Variants in NPFFR2 observed in about 807,000 individuals in gnomAD.
NPFFR2 encodes the protein G-protein coupled receptor 74.
NPFFR2 carries 15 observed loss-of-function variants against 13.1 expected under a neutral mutation model. That is an observed-to-expected ratio of 1.15 (90% CI 0.77 to 1.76). NPFFR2 has a LOEUF of 1.76. Ranked by LOEUF, NPFFR2 falls within the 40% of genes most tolerant of loss-of-function variation. The pLI, the probability that NPFFR2 is intolerant of heterozygous loss-of-function variation, is 0.00. For synonymous variants in NPFFR2, 190 were observed against 175.7 expected, an observed-to-expected ratio of 1.08 and a Z score of -0.65; for missense variants, 572 against 503.5, an observed-to-expected ratio of 1.14 and a Z score of -1.30.
chr4:72,110,368 C>T (rs1350929945), intron 1 of NPFFR2, among the ~76,000 whole-genome samples: 1 of 151,994 alleles, frequency 6.6e-6, no homozygotes, highest in African/African-American at 2.4e-5. Flanking sequence ...ATAAATTACC[C>T]AGTCTCAAAT....
At chr4:72,104,369 G>A (rs532700120) in intron 1 of NPFFR2, among the ~76,000 whole-genome samples, 48 of 152,108 alleles carry the variant, frequency 3.2e-4, no homozygotes, top group African/African-American at 1.1e-3. Context: ...TCAATTTCTT[G>A]AAGCTGCCAG....
chr4:72,083,790 C>T (rs1442095663), intron 1 of NPFFR2, among the ~76,000 whole-genome samples: 1 of 152,094 alleles, frequency 6.6e-6, no homozygotes, highest in African/African-American at 2.4e-5. Flanking sequence ...GCTCATAAAA[C>T]CAAGCACTTT....
intron 2 of NPFFR2, 55 bp from the exon 3 acceptor site, chr4:72,137,985 T>C: frequency 7.4e-7 from 1 of 1,346,988 alleles, no homozygotes; most frequent in Non-Finnish European, 1.1e-6. Context: ...ATTTTCATTT[T>C]CAGTGAGATT....
intron 1 of NPFFR2, chr4:72,068,858 T>C: frequency 3.4e-6 from 1 of 291,354 alleles, no homozygotes; most frequent in Non-Finnish European, 5.9e-6. Context: ...TTTTTTATCT[T>C]ATCTTTTTTC....
intron 3 of NPFFR2, among the ~76,000 whole-genome samples, chr4:72,140,541 G>T (rs1026510793): frequency 6.6e-6 from 1 of 152,202 alleles, no homozygotes; most frequent in Non-Finnish European, 1.5e-5. Flanking sequence ...CATTGGTTCT[G>T]TTCATGTGAT....
In NPFFR2 at chr4:72,115,890, G is replaced by A. The variant is rs559342686; in HGVS notation, c.-7-12695G>A. Among the ~76,000 whole-genome samples the A allele has an allele frequency of 3.3e-5, 5 of 152,068 alleles. No homozygotes were observed. In the East Asian group the frequency reaches 9.6e-4, roughly 29 times the overall value. ...TTGCATTAAAGTGGTTCTCACTTTC[G>A]AACAAGTCATTAAAATTGATCATTC... On this transcript the variant is annotated intron_variant, in intron 1 of 3. Transcript: ENST00000308744.
chr4:72,139,639 C>T (rs141690225), intron 3 of NPFFR2, among the ~76,000 whole-genome samples: 5,212 of 152,132 alleles, frequency 0.034, 293 homozygotes, highest in African/African-American at 0.12. Flanking sequence ...ATACCACTAC[C>T]ATGCTGTTTT....
At chr4:72,080,275 C>G (rs1490747223) in intron 1 of NPFFR2, among the ~76,000 whole-genome samples, 1 of 152,034 alleles carries the variant, frequency 6.6e-6, no homozygotes, top group African/African-American at 2.4e-5. Context: ...AGAAATTCTC[C>G]TGCCTCAGTC....
chr4:72,078,347 AAG>A (rs1451724136), intron 1 of NPFFR2, among the ~76,000 whole-genome samples: 2 of 152,118 alleles, frequency 1.3e-5, no homozygotes, highest in Non-Finnish European at 1.5e-5. Context: ...GGGTTGAAGA[AAG>A]AGAGTGACAT....
In NPFFR2 at chr4:72,132,477, A is replaced by G. The variant is rs111461797; in HGVS notation, c.328+3558A>G. On this transcript the variant is annotated intron_variant, in intron 2 of 3. Transcript: ENST00000308744. The stretch of plus-strand genomic sequence containing the variant: ...TGAACATACACATACATGTGTCTTT[A>G]TAATAGAACAATTTATATTCCTCTG... Among the ~76,000 whole-genome samples, 779 of 152,298 alleles carry G rather than the reference A, an allele frequency of 5.1e-3. 2 individuals carry two copies. The highest frequency in any genetic ancestry group is 0.018 in the African/African-American group (742 of 41,552).
intron 1 of NPFFR2, among the ~76,000 whole-genome samples, chr4:72,110,703 A>G (rs189406267): frequency 5.8e-4 from 88 of 152,136 alleles, no homozygotes; most frequent in Non-Finnish European, 1.1e-3. Flanking sequence ...TTCTCAAAAA[A>G]TAAGAGGTCT....
At chr4:72,054,114 C>CAGCATGCTTTTTTTGA (rs1426132566) in intron 1 of NPFFR2, among the ~76,000 whole-genome samples, 1 of 151,864 alleles carries the variant, frequency 6.6e-6, no homozygotes, top group Non-Finnish European at 1.5e-5. Context: ...AACAAAATCT[C>CAGCATGCTTTTTTTGA]AGCATGCTTT....
chr4:72,124,134 C>A (rs1721969650), intron 1 of NPFFR2, among the ~76,000 whole-genome samples: 1 of 151,936 alleles, frequency 6.6e-6, no homozygotes, highest in African/African-American at 2.4e-5. Context: ...AAAAATAGAG[C>A]CAAATCATGA....
chr4:72,109,201 C>T (rs559478958), intron 1 of NPFFR2, among the ~76,000 whole-genome samples: 34 of 152,118 alleles, frequency 2.2e-4, no homozygotes, highest in African/African-American at 7.5e-4. Context: ...CATTAGTCAG[C>T]ACCCAGATCT....
intron 1 of NPFFR2, among the ~76,000 whole-genome samples, chr4:72,104,705 T>C (rs1721364958): frequency 6.6e-6 from 1 of 152,026 alleles, no homozygotes; most frequent in Non-Finnish European, 1.5e-5. Context: ...CCAAAAGATA[T>C]AGGTGTCATT....
At chr4:72,067,671 A>T (rs1720113856) in intron 1 of NPFFR2, among the ~76,000 whole-genome samples, 1 of 152,150 alleles carries the variant, frequency 6.6e-6, no homozygotes, top group Admixed American at 6.5e-5. Context: ...AGGAGAATCC[A>T]TGTAGCACCC....
In NPFFR2 at chr4:72,095,170, G is replaced by A. The variant is rs181872130; in HGVS notation, c.-7-33415G>A. Among the ~76,000 whole-genome samples the A allele has an allele frequency of 1.5e-3, 232 of 152,190 alleles. 1 individual carries two copies. The highest frequency in any genetic ancestry group is 5.4e-3 in the African/African-American group (223 of 41,516). ...ATTTTCAGAAGGATAGTAAGAAGACGAGTCCCAAATCCCAATCCTCAGAAA... is the reference window on the plus strand; with the variant it reads ...ATTTTCAGAAGGATAGTAAGAAGACAAGTCCCAAATCCCAATCCTCAGAAA... On this transcript the variant is annotated intron_variant, in intron 1 of 3. Transcript: ENST00000308744.
chr4:72,108,174 T>C (rs1489864777), intron 1 of NPFFR2, among the ~76,000 whole-genome samples: 1 of 152,004 alleles, frequency 6.6e-6, no homozygotes, highest in Non-Finnish European at 1.5e-5. Context: ...GTCTATAAAA[T>C]ATCTCTATTT....
intron 1 of NPFFR2, among the ~76,000 whole-genome samples, chr4:72,120,705 G>GCATCAA (rs1721846904): frequency 2.0e-5 from 3 of 152,262 alleles, no homozygotes; most frequent in African/African-American, 7.2e-5. Context: ...GAAAGGAATA[G>GCATCAA]CATCAACATC....
Sources: allele counts gnomAD v4.1 joint callset (sites outside exome capture counted in the v4.1 genomes callset), GRCh38; gene constraint gnomAD v4.1.1; transcripts MANE v1.5; gene names NCBI Gene and HGNC (gene_info 2026-07-23, HGNC 2026-07-21).